ASPDH: variants seen among roughly 807,000 people sequenced by gnomAD.
ASPDH encodes the protein aspartate dehydrogenase domain containing, also known as aspartate dehydrogenase domain-containing protein.
Under a neutral mutation model 30.5 loss-of-function variants are expected in ASPDH, and 25 were observed. The observed-to-expected ratio is 0.82, with a 90% CI of 0.60 to 1.14. The LOEUF is 1.14. Among genes scored for constraint, ASPDH ranks in the 50% most tolerant of loss-of-function variants. ASPDH has a pLI of 0.00. For synonymous variants in ASPDH, 168 were observed against 156.3 expected (o/e 1.07, Z -0.56); for missense variants, 401 against 381.5 (o/e 1.05, Z -0.43).
upstream of ASPDH, chr19:50,513,924 C>T: frequency 7.1e-7 from 1 of 1,415,400 alleles, no homozygotes; most frequent in Non-Finnish European, 9.4e-7. The surrounding 1 kb of genome is among the most constrained non-coding windows in gnomAD (Gnocchi z 4.9). Flanking sequence ...GACCCTTGAG[C>T]CTCTGGGCTC....
Position 50,512,716 on chromosome 19 carries a change from C to A in ASPDH, c.377G>T (p.Gly126Val), listed in dbSNP as rs1420570369. 2 of 1,551,976 alleles carry A rather than the reference C, an allele frequency of 1.3e-6. No homozygotes were observed. The highest frequency in any genetic ancestry group is 1.7e-6 in the Non-Finnish European group (2 of 1,147,640). ...GATGTCCTCAGCGCCCCACAGGGCC[C>A]CTCGGGCCACAAACACGGCGTGGTC... ...HWDHAVFVAR[G>V]ALWGAEDIRR... Residue 126 changes from glycine (G) to valine (V), a missense_variant, in exon 4 of 7, where the codon GGG becomes GTG. Coordinates refer to ENST00000389208, the MANE Select transcript of ASPDH (RefSeq NM_001114598.2).
chr19:50,511,998 G>A lies in ASPDH; in HGVS notation c.808+138C>T, dbSNP rs1601357292. On this transcript the variant is annotated intron_variant, in intron 6 of 6. Coordinates refer to ENST00000389208, the MANE Select transcript of ASPDH (RefSeq NM_001114598.2). The stretch of plus-strand genomic sequence containing the variant: ...GCCAGGATTCAAAGTCATGGAGAGA[G>A]GTTAAGGAAATAAAGGTCAGAAAGA... The A allele has an allele frequency of 9.8e-6, 8 of 813,332 alleles. No individual in the cohort carries two copies. The East Asian group carries it at 2.2e-4, about 22-fold the overall frequency. 50.4% of individuals were successfully genotyped at this position (813,332 alleles called of 1,614,324 possible).
chr19:50,513,887 TG>T lies in ASPDH; in HGVS notation c.-65del, dbSNP rs949383015. 1 of 1,521,152 alleles carries T rather than the reference TG, an allele frequency of 6.6e-7. No individual in the cohort carries two copies. The highest frequency in any genetic ancestry group is 1.4e-5 in the African/African-American group (1 of 72,024). 94.2% of individuals were successfully genotyped at this position (1,521,152 alleles called of 1,614,324 possible). A position where few individuals can be genotyped will look rare whatever the true frequency, so the allele number is the denominator to read the frequency against. ...TGCTCGCTGCCCGCTGCACAAGGCC[TG>T]GGCAGCCGCTGCTCTTTGGACATCT... On this transcript the variant is annotated 5_prime_UTR_variant, in exon 1 of 7. Coordinates refer to ENST00000389208, the MANE Select transcript of ASPDH (RefSeq NM_001114598.2). This position sits in a 1 kb window ranked among gnomAD's most constrained non-coding sequence, Gnocchi z 4.9.
rs763885687 is a variant in ASPDH, at chr19:50,512,249, G to T, written c.695C>A (p.Pro232His). 6.2e-7 allele frequency: 1 copy of T among 1,612,936 alleles called. No individual in the cohort carries two copies. ...AAAGCTTCGGCCCGTGGGGCCCCGG[G>T]GTCCGCTCAGCTCTACATCCACCAC... ...MHVVDVELSG[P>H]RGPTGRSFAV... Residue 232 changes from proline (P) to histidine (H), a missense_variant, in exon 6 of 7, where the codon CCC becomes CAC. By Grantham distance (77) the Pro-to-His change is moderately conservative. Coordinates refer to ENST00000389208, the MANE Select transcript of ASPDH (RefSeq NM_001114598.2).
At chr19:50,511,929 G>C (rs946513319) in intron 6 of ASPDH, 156 bp from the exon 7 acceptor site, 10 of 388,852 alleles carry the variant, frequency 2.6e-5, no homozygotes, top group African/African-American at 4.1e-5. Flanking sequence ...CAGAGACAGA[G>C]AGAGTCTCGA....
chr19:50,514,957 C>G (rs569216322), upstream of ASPDH: 46 of 985,236 alleles, frequency 4.7e-5, no homozygotes, highest in African/African-American at 1.2e-4. Context: ...GAGCCAGGAG[C>G]CCCCGGTGTG....
chr19:50,514,398 G>A (rs925823614), upstream of ASPDH: 25 of 1,593,870 alleles, frequency 1.6e-5, no homozygotes, highest in Admixed American at 6.7e-5. Flanking sequence ...CCCTAGCCCC[G>A]CTGCGCAGCA....
At chr19:50,511,948 G>GAGCACAGAGACTCA in intron 6 of ASPDH, 175 bp from the exon 7 acceptor site, 1 of 691,974 alleles carries the variant, frequency 1.4e-6, no homozygotes, top group Non-Finnish European at 2.3e-6. Flanking sequence ...GATCAGAGGC[G>GAGCACAGAGACTCA]GGCACAAATG....
chr19:50,513,951 C>A, upstream of ASPDH: 1 of 1,250,342 alleles, frequency 8.0e-7, no homozygotes, highest in Non-Finnish European at 1.1e-6. This position sits in a 1 kb window ranked among gnomAD's most constrained non-coding sequence, Gnocchi z 4.9. Context: ...CCCCCTTCCC[C>A]GCAGGCCCAG....
At chr19:50,512,869 G>T in intron 3 of ASPDH, 58 bp downstream of exon 3, 1 of 1,599,052 alleles carries the variant, frequency 6.3e-7, no homozygotes, top group South Asian at 1.1e-5. Flanking sequence ...CTTCAGGGTG[G>T]GGTGAGACCA....
In ASPDH at chr19:50,511,621, T is replaced by TCTTTA. The variant is rs1979885596; in HGVS notation, c.*104_*108dup. The TCTTTA allele has an allele frequency of 3.3e-6, 2 of 602,186 alleles. No homozygotes were observed. The highest frequency in any genetic ancestry group is 5.2e-6 in the Non-Finnish European group (2 of 387,770). The allele number at this position is 602,186 out of a possible 1,614,324, so 37.3% of individuals were successfully genotyped here. ...GCGGTGCGGGGGGAGGCAGCGGTGA[T>TCTTTA]CTTTACTGAGTCAGAAGGGAGACCC... On this transcript the variant is annotated 3_prime_UTR_variant, in exon 7 of 7. Transcript: ENST00000389208.
rs769460081 is a variant in ASPDH at position 50,512,821 on chromosome 19, T to G, written c.283-11A>C. The stretch of plus-strand genomic sequence containing the variant: ...TGAGGGGGACCCCACCTGGGGTGGA[T>G]GAAGGAGGGGAGGGTTGAGGTCAGG... On this transcript the variant is annotated splice_polypyrimidine_tract_variant and intron_variant, in intron 3 of 6. Transcript: ENST00000389208. The G allele has an allele frequency of 2.5e-6, 4 of 1,600,482 alleles. No homozygotes were observed. Among genetic ancestry groups the G allele is most frequent in the East Asian group, 4.5e-5 (2 of 44,684 alleles).
In ASPDH at chr19:50,513,013, T is replaced by C. The variant is rs748922075; in HGVS notation, c.198-2A>G. 6.2e-7 allele frequency: 1 copy of C among 1,611,726 alleles called. No individual in the cohort carries two copies. The highest frequency in any genetic ancestry group is 8.5e-7 in the Non-Finnish European group (1 of 1,178,668). ...ACTTCCACAACCAGATCAGGGCGCCTGGGAGAGGGGAAAGAGGGCGGAGGG... is the reference window on the plus strand; with the variant it reads ...ACTTCCACAACCAGATCAGGGCGCCCGGGAGAGGGGAAAGAGGGCGGAGGG... On this transcript the variant is annotated splice_acceptor_variant, in intron 2 of 6. Transcript: ENST00000389208. LOFTEE classifies it high-confidence loss of function. This position sits in a 1 kb window ranked among gnomAD's most constrained non-coding sequence, Gnocchi z 4.9.
chr19:50,512,687 T>G lies in ASPDH; in HGVS notation c.406A>C (p.Arg136=). Residue 136 remains arginine (R), a synonymous_variant, in exon 4 of 7, where the codon AGA becomes CGA. Transcript: ENST00000389208. ...GALWGAEDIR[R]LDAAGGLRSL... is the part of the protein sequence containing the mutation. ...CGGAGGCCCCCAGCTGCATCCAATC[T>G]CCTGATGTCCTCAGCGCCCCACAGG... 6.5e-7 allele frequency: 1 copy of G among 1,549,560 alleles called. No individual in the cohort carries two copies. Among genetic ancestry groups the G allele is most frequent in the Non-Finnish European group, 8.7e-7 (1 of 1,146,558 alleles).
rs1345120740 is a variant in ASPDH at position 50,512,305 on chromosome 19, G to T, written c.654-15C>A. 15 of 1,613,844 alleles carry T rather than the reference G, an allele frequency of 9.3e-6. No homozygotes were observed. Among genetic ancestry groups the T allele is most frequent in the Non-Finnish European group, 1.3e-5 (15 of 1,179,968 alleles). On this transcript the variant is annotated splice_polypyrimidine_tract_variant and intron_variant, in intron 5 of 6. Coordinates refer to ENST00000389208, the MANE Select transcript of ASPDH (RefSeq NM_001114598.2). ...TGTCCGTGAGGCTGGGACAAGAGGG[G>T]CAGTCAGTCTGGAGAGCCTGGACTC...
intron 6 of ASPDH, 98 bp from the exon 7 acceptor site, chr19:50,511,871 G>A: frequency 1.2e-6 from 1 of 843,434 alleles, no homozygotes; most frequent in Non-Finnish European, 1.7e-6. Flanking sequence ...GGGCAGGGGG[G>A]CGGTGGAGGA....
Position 50,513,261 on chromosome 19 carries a change from A to G in ASPDH, c.197+11T>C. The G allele has an allele frequency of 6.9e-7, 1 of 1,458,678 alleles. No homozygotes were observed. The highest frequency in any genetic ancestry group is 9.1e-7 in the Non-Finnish European group (1 of 1,102,400). 90.4% of individuals were successfully genotyped at this position (1,458,678 alleles called of 1,614,324 possible). A position where few individuals can be genotyped will look rare whatever the true frequency, so the allele number is the denominator to read the frequency against. On this transcript the variant is annotated intron_variant, in intron 2 of 6. Transcript: ENST00000389208. This position sits in a 1 kb window ranked among gnomAD's most constrained non-coding sequence, Gnocchi z 4.9. ...CAGGGAGCTCCACTCTCCCATGGCA[A>G]GGTCACTGACCTTTCCCCAAGGGCA... is the stretch of plus-strand genomic sequence containing the variant.
upstream of ASPDH, among the ~76,000 whole-genome samples, chr19:50,514,306 G>A (rs971211368): frequency 6.6e-6 from 1 of 152,094 alleles, no homozygotes; most frequent in African/African-American, 2.4e-5. Flanking sequence ...CAGCCTGGCC[G>A]TGGCCCTAGC....
intron 6 of ASPDH, 177 bp from the exon 7 acceptor site, chr19:50,511,950 G>GCACAGAGACTCAGTGGACGCGGA: frequency 1.5e-6 from 1 of 665,098 alleles, no homozygotes; most frequent in Non-Finnish European, 2.5e-6. Flanking sequence ...TCAGAGGCGG[G>GCACAGAGACTCAGTGGACGCGGA]CACAAATGGA....
Sources: allele counts gnomAD v4.1 joint callset (sites outside exome capture counted in the v4.1 genomes callset), GRCh38; gene constraint gnomAD v4.1.1; non-coding constraint Gnocchi (gnomAD v3.1); transcripts MANE v1.5; gene names NCBI Gene and HGNC (gene_info 2026-07-23, HGNC 2026-07-21).